ERCC6: variants seen among roughly 807,000 people sequenced by gnomAD.
ERCC6 encodes the protein DNA excision repair protein ERCC-6.
ERCC6 carries 116 observed loss-of-function variants against 158.7 expected under a neutral mutation model. The ratio of observed to expected loss-of-function variants is 0.73; its 90% confidence interval spans 0.63 to 0.85. ERCC6 has a LOEUF of 0.85. Among genes scored for constraint, ERCC6 ranks in the 40% least tolerant of loss-of-function variants. The pLI, the probability that ERCC6 is intolerant of heterozygous loss-of-function variation, is 0.00. For missense variants in ERCC6, 1,698 were observed against 1,799.4 expected, an observed-to-expected ratio of 0.94 and a Z score of 1.02; for synonymous variants, 678 against 659.3, an observed-to-expected ratio of 1.03 and a Z score of -0.43.
At chr10:49,478,989 T>G (rs1850928463) in intron 10 of ERCC6, among the ~76,000 whole-genome samples, 1 of 152,062 alleles carries the variant, frequency 6.6e-6, no homozygotes, top group Non-Finnish European at 1.5e-5. Flanking sequence ...ACTGGAGACT[T>G]ACAAGAGTAA....
At chr10:49,477,450 C>T (rs1439816834) in intron 11 of ERCC6, among the ~76,000 whole-genome samples, 2 of 152,140 alleles carry the variant, frequency 1.3e-5, no homozygotes, top group African/African-American at 4.8e-5. Context: ...TCCCCACCTC[C>T]ACTTCCTCAC....
At chr10:49,482,249 A>T (rs1564423325) in intron 10 of ERCC6, among the ~76,000 whole-genome samples, 1 of 152,134 alleles carries the variant, frequency 6.6e-6, no homozygotes, top group Non-Finnish European at 1.5e-5. Context: ...TGAACAGTCC[A>T]ATCCTCCTAG....
At position 49,515,339 on chromosome 10, in the gene ERCC6, A is replaced by G. The variant is rs886367610; in HGVS notation, c.1397+8694T>C. The G allele has an allele frequency of 1.9e-6, 3 of 1,606,970 alleles. No homozygotes were observed. The African/African-American group carries it at 4.0e-5, about 21-fold the overall frequency. On this transcript the variant is annotated intron_variant, in intron 5 of 20. Coordinates refer to ENST00000355832, the MANE Select transcript of ERCC6 (RefSeq NM_000124.4). ...CAGGAGGTGGTGACACCTGCTATTCAGTGTGATATTCAACGGAACACTTCA... is the reference window on the plus strand; with the variant it reads ...CAGGAGGTGGTGACACCTGCTATTCGGTGTGATATTCAACGGAACACTTCA...
At chr10:49,470,130 T>G in intron 18 of ERCC6, 52 bp downstream of exon 18, 1 of 1,515,526 alleles carries the variant, frequency 6.6e-7, no homozygotes, top group Non-Finnish European at 9.2e-7. Context: ...AGAAACAGCC[T>G]ACTCATTTTC....
At chr10:49,461,639 G>A (rs1466851716) in intron 18 of ERCC6, 83 bp from the exon 19 acceptor site, 6 of 1,375,028 alleles carry the variant, frequency 4.4e-6, no homozygotes, top group East Asian at 2.5e-5. Context: ...GTACAGTACT[G>A]TAGTAGACAA....
chr10:49,500,387 A>T lies in ERCC6; in HGVS notation c.1685+151T>A, dbSNP rs1170113984. The T allele has an allele frequency of 3.5e-6, 3 of 852,046 alleles. No individual in the cohort carries two copies. The African/African-American group carries it at 5.0e-5, about 14-fold the overall frequency. The allele number at this position is 852,046 out of a possible 1,614,324, so 52.8% of individuals were successfully genotyped here. ...CCCTACAGCTCCATTGTCTCGTAAA[A>T]TTTTTCCTTTGATGTCCCCCACTAA... On this transcript the variant is annotated intron_variant, in intron 7 of 20. Transcript: ENST00000355832.
intron 5 of ERCC6, among the ~76,000 whole-genome samples, chr10:49,520,591 T>C (rs1176038303): frequency 6.6e-6 from 1 of 152,180 alleles, no homozygotes; most frequent in Non-Finnish European, 1.5e-5. Flanking sequence ...ACATCTGTTT[T>C]ATTATGTCAA....
chr10:49,498,479 C>T (rs916170737), intron 7 of ERCC6, among the ~76,000 whole-genome samples: 11 of 152,114 alleles, frequency 7.2e-5, no homozygotes, highest in African/African-American at 1.9e-4. Flanking sequence ...TGGTCCAGTC[C>T]GCCCTGGTAC....
rs1837452924 is a variant in ERCC6 at position 49,530,847 on chromosome 10, A to G, written c.423-7T>C. 6.2e-7 allele frequency: 1 copy of G among 1,612,798 alleles called. No homozygotes were observed. The highest frequency in any genetic ancestry group is 8.5e-7 in the Non-Finnish European group (1 of 1,179,494). On this transcript the variant is annotated splice_region_variant and splice_polypyrimidine_tract_variant and intron_variant, in intron 2 of 20. Transcript: ENST00000355832. ...TAGGGATGTCGTACATGACCTGAAA[A>G]ATAAGATAAATTGTCTATTTTGCAC...
At chr10:49,449,593 G>T (rs1301647630), downstream of ERCC6, among the ~76,000 whole-genome samples, 2 of 100,248 alleles carry the variant, frequency 2.0e-5, no homozygotes, top group East Asian at 5.9e-4. Flanking sequence ...TTTTGAGACA[G>T]AGTCTCACTC....
At position 49,538,620 on chromosome 10, in the gene ERCC6, ACT is replaced by A. The variant is rs1046794619; in HGVS notation, c.-15+340_-15+341del. ...AAACGTCGGACGTACATCTAGCCCG[ACT>A]CTCTTTAAAATAACAGCTCCAGCAT... On this transcript the variant is annotated intron_variant, in intron 1 of 20. Coordinates refer to ENST00000355832, the MANE Select transcript of ERCC6 (RefSeq NM_000124.4). 2.6e-5 allele frequency among the ~76,000 whole-genome samples: 4 copies of A among 151,958 alleles called. No individual in the cohort carries two copies. The East Asian group carries it at 7.7e-4, about 29-fold the overall frequency.
In ERCC6 at chr10:49,516,405, A is replaced by C; in HGVS notation, c.1397+7628T>G. ...TTTGGAAAATTTGTCCACTGGATCC[A>C]AATTTGCATTGTCAGCAACATGCAA... On this transcript the variant is annotated intron_variant, in intron 5 of 20. Transcript: ENST00000355832. The C allele has an allele frequency of 8.1e-6, 13 of 1,614,192 alleles. No homozygotes were observed. The highest frequency in any genetic ancestry group is 1.1e-5 in the Non-Finnish European group (13 of 1,180,038).
Position 49,470,445 on chromosome 10 carries a change from T to C in ERCC6, c.3515A>G (p.Lys1172Arg). Residue 1172 changes from lysine (K) to arginine (R), a missense_variant, in exon 18 of 21, where the codon AAA becomes AGA. Coordinates refer to ENST00000355832, the MANE Select transcript of ERCC6 (RefSeq NM_000124.4). ...QAQTEAFWEN[K>R]QMENNFYKHK... is the part of the protein sequence containing the mutation. ...CTTATAAAAATTATTTTCCATTTGT[T>C]TATTCTCCCAAAAAGCTTCTGTTTG... The C allele has an allele frequency of 6.2e-7, 1 of 1,614,140 alleles. No individual in the cohort carries two copies. Among genetic ancestry groups the C allele is most frequent in the Admixed American group, 1.7e-5 (1 of 60,026 alleles).
At chr10:49,436,460 A>G in the ERCC6 span, among the ~76,000 whole-genome samples, 3 of 152,214 alleles carry the variant, frequency 2.0e-5, no homozygotes, top group Non-Finnish European at 4.4e-5. Flanking sequence ...AAGAATACAA[A>G]GAACCCCTAC....
chr10:49,473,962 A>G, intron 13 of ERCC6, 65 bp downstream of exon 13: 1 of 1,406,122 alleles, frequency 7.1e-7, no homozygotes, highest in Non-Finnish European at 1.0e-6. Context: ...ATTGAATCCC[A>G]TTTTGTGAGT....
chr10:49,492,808 G>T (rs1431447132), intron 8 of ERCC6, among the ~76,000 whole-genome samples: 1 of 152,140 alleles, frequency 6.6e-6, no homozygotes, highest in Non-Finnish European at 1.5e-5. Context: ...CTTACTGGAC[G>T]CAGCCACCTG....
rs1850467863 is a variant in ERCC6, at chr10:49,455,324, T to C, written c.*3491A>G. 1 of 152,022 alleles carries C rather than the reference T, an allele frequency of 6.6e-6. No individual in the cohort carries two copies. Among genetic ancestry groups the C allele is most frequent in the South Asian group, 2.1e-4 (1 of 4,812 alleles). 9.4% of individuals were successfully genotyped at this position (152,022 alleles called of 1,614,324 possible). ...AAACATTATATTAATTATAAAGAGGTCTATTATTCTCAAATTAATGTGTAA... is the reference window on the plus strand; with the variant it reads ...AAACATTATATTAATTATAAAGAGGCCTATTATTCTCAAATTAATGTGTAA... On this transcript the variant is annotated 3_prime_UTR_variant, in exon 21 of 21. Coordinates refer to ENST00000355832, the MANE Select transcript of ERCC6 (RefSeq NM_000124.4).
chr10:49,535,610 T>C (rs1362056135), intron 1 of ERCC6, among the ~76,000 whole-genome samples: 1 of 152,152 alleles, frequency 6.6e-6, no homozygotes, highest in Non-Finnish European at 1.5e-5. Context: ...GATTTCTTTT[T>C]AAGAAAAAAG....
At chr10:49,526,809 T>C (rs1377803980) in intron 4 of ERCC6, among the ~76,000 whole-genome samples, 2 of 152,070 alleles carry the variant, frequency 1.3e-5, no homozygotes, top group Non-Finnish European at 2.9e-5. Context: ...TTGGCTGGTG[T>C]CCAGACGGAG....
Sources: allele counts gnomAD v4.1 joint callset (sites outside exome capture counted in the v4.1 genomes callset), GRCh38; gene constraint gnomAD v4.1.1; transcripts MANE v1.5; gene names NCBI Gene and HGNC (gene_info 2026-07-23, HGNC 2026-07-21).